The following PARD3B variants were observed in gnomAD, a reference collection of about 807,000 sequenced individuals.
PARD3B encodes the protein par-3 family cell polarity regulator beta, also known as partitioning defective 3 homolog B.
A neutral mutation model predicts 130.2 loss-of-function variants in PARD3B; 103 were observed. That is an observed-to-expected ratio of 0.79 (90% CI 0.67 to 0.93). The LOEUF (loss-of-function observed/expected upper bound fraction) is 0.93, where lower values mean the gene tolerates loss of function less well. Among genes scored for constraint, PARD3B ranks in the 40% least tolerant of loss-of-function variants. The pLI, the probability that PARD3B is intolerant of heterozygous loss-of-function variation, is 0.00. For synonymous variants in PARD3B, 583 were observed against 553.2 expected, an observed-to-expected ratio of 1.05 and a Z score of -0.76; for missense variants, 1,609 against 1,499.2, an observed-to-expected ratio of 1.07 and a Z score of -1.21.
rs555201358 is a variant in PARD3B at position 205,093,621 on chromosome 2, C to G, written c.505-10805C>G. On this transcript the variant is annotated intron_variant, in intron 4 of 22. Coordinates refer to ENST00000406610, the MANE Select transcript of PARD3B (RefSeq NM_001302769.2). ...TTGAGCATCTCCCCTTTGCCAGGCA[C>G]TGTTCTAAGCTTTGGGAATATATTT... Among the ~76,000 whole-genome samples, 4 of 152,260 alleles carry G rather than the reference C, an allele frequency of 2.6e-5. No individual in the cohort carries two copies. The South Asian group carries it at 6.2e-4, about 24-fold the overall frequency.
Position 205,440,580 on chromosome 2 carries a change from G to A in PARD3B, c.2952G>A (p.Arg984=), listed in dbSNP as rs1375819334. The A allele has an allele frequency of 1.2e-6, 2 of 1,613,916 alleles. No individual in the cohort carries two copies. Among genetic ancestry groups the A allele is most frequent in the African/African-American group, 1.3e-5 (1 of 74,968 alleles). The change falls in exon 20 of 23, where the codon CGG becomes CGA. Residue 984 remains arginine, a synonymous_variant. Coordinates refer to ENST00000406610, the MANE Select transcript of PARD3B (RefSeq NM_001302769.2). This position sits in a 1 kb window ranked among gnomAD's most constrained non-coding sequence, Gnocchi z 4.2. ...GAGCTGGACCATTTGGTTACCCTCG[G>A]GATGGCCATCCACTGTCTCCAGAAA... ...PPRAGPFGYP[R]DGHPLSPERD... is the part of the protein sequence containing the mutation.
Position 205,591,593 on chromosome 2 carries a change from C to T in PARD3B, c.3261-23863C>T, listed in dbSNP as rs2054388358. ...CAGACTGTCTTACAGAGGAAACATT[C>T]GTTCATTGGAAACCCAGAACTGTTG... is the stretch of plus-strand genomic sequence containing the variant. On this transcript the variant is annotated intron_variant, in intron 22 of 22. Transcript: ENST00000406610. This position sits in a 1 kb window ranked among gnomAD's most constrained non-coding sequence, Gnocchi z 4.2. Among the ~76,000 whole-genome samples the T allele has an allele frequency of 6.6e-6, 1 of 152,162 alleles. No homozygotes were observed. The highest frequency in any genetic ancestry group is 1.5e-5 in the Non-Finnish European group (1 of 68,036).
At chr2:205,439,979 G>A (rs928539063) in intron 19 of PARD3B, among the ~76,000 whole-genome samples, 3 of 152,130 alleles carry the variant, frequency 2.0e-5, no homozygotes, top group African/African-American at 7.2e-5. Flanking sequence ...AGAGGATTTT[G>A]ATGAGTTTGT....
At chr2:205,170,681 C>T (rs780039379) in intron 11 of PARD3B, among the ~76,000 whole-genome samples, 1 of 152,202 alleles carries the variant, frequency 6.6e-6, no homozygotes, top group Non-Finnish European at 1.5e-5. Context: ...CCATCTGCTA[C>T]TGCATTAGTC....
chr2:204,649,177 G>T lies in PARD3B; in HGVS notation c.121-37004G>T, dbSNP rs1048694130. Among the ~76,000 whole-genome samples the T allele has an allele frequency of 2.7e-5, 4 of 149,638 alleles. No homozygotes were observed. The Admixed American group carries it at 2.7e-4, about 10-fold the overall frequency. ...CCACCAGCAATGTATGGGCATTCTG[G>T]TTGGTCCACATCCTTGCCAACACTT... On this transcript the variant is annotated intron_variant, in intron 1 of 22. Coordinates refer to ENST00000406610, the MANE Select transcript of PARD3B (RefSeq NM_001302769.2).
intron 3 of PARD3B, among the ~76,000 whole-genome samples, chr2:204,979,063 G>A (rs554934132): frequency 7.2e-4 from 109 of 151,964 alleles, no homozygotes; most frequent in Non-Finnish European, 1.2e-3. Flanking sequence ...AAAATTAGCC[G>A]GGCGTGGTGG....
At chr2:205,266,780 C>T (rs2105783842) in intron 16 of PARD3B, among the ~76,000 whole-genome samples, 1 of 152,176 alleles carries the variant, frequency 6.6e-6, no homozygotes, top group Non-Finnish European at 1.5e-5. Flanking sequence ...CTGATTCAAC[C>T]AGGAAAGAAG....
intron 18 of PARD3B, among the ~76,000 whole-genome samples, chr2:205,346,872 G>A (rs999982015): frequency 2.0e-5 from 3 of 152,080 alleles, no homozygotes; most frequent in African/African-American, 4.8e-5. Flanking sequence ...ATGCATATGG[G>A]TGTCTTGTCT....
At chr2:204,817,048 T>C (rs1161249559) in intron 2 of PARD3B, among the ~76,000 whole-genome samples, 1 of 152,156 alleles carries the variant, frequency 6.6e-6, no homozygotes, top group African/African-American at 2.4e-5. Flanking sequence ...CAACACATTG[T>C]AGTTTTTATC....
At chr2:204,596,531 G>T (rs747465489) in intron 1 of PARD3B, among the ~76,000 whole-genome samples, 18 of 152,112 alleles carry the variant, frequency 1.2e-4, no homozygotes, top group Non-Finnish European at 1.3e-4. Context: ...GCTGCCTTTA[G>T]AGGATTGTTT....
At position 205,590,383 on chromosome 2, in the gene PARD3B, C is replaced by G. The variant is rs1003920436; in HGVS notation, c.3261-25073C>G. 2.6e-5 allele frequency among the ~76,000 whole-genome samples: 4 copies of G among 152,288 alleles called. No homozygotes were observed. The highest frequency in any genetic ancestry group is 9.6e-5 in the African/African-American group (4 of 41,562). On this transcript the variant is annotated intron_variant, in intron 22 of 22. Transcript: ENST00000406610. The surrounding 1 kb of genome is among the most constrained non-coding windows in gnomAD (Gnocchi z 4.1). ...TGCCCACAGCATCAGGCTTACTTCC[C>G]CCTCTTCTCAGCTACTCCACAAAAG...
intron 2 of PARD3B, among the ~76,000 whole-genome samples, chr2:204,812,731 A>G (rs2043004753): frequency 6.6e-6 from 1 of 152,186 alleles, no homozygotes; most frequent in Non-Finnish European, 1.5e-5. Flanking sequence ...GCTACAGCCC[A>G]CTTGCCCAAC....
chr2:204,740,115 G>C (rs575934791), intron 2 of PARD3B, among the ~76,000 whole-genome samples: 1 of 151,978 alleles, frequency 6.6e-6, no homozygotes, highest in South Asian at 2.1e-4. Context: ...CCAGGTTCGA[G>C]TGATTCTACT....
At chr2:205,106,930 A>G (rs1238074243) in intron 5 of PARD3B, among the ~76,000 whole-genome samples, 1 of 152,188 alleles carries the variant, frequency 6.6e-6, no homozygotes, top group African/African-American at 2.4e-5. Context: ...TCTAGCCAGT[A>G]TGAGATGAAA....
At chr2:204,803,634 G>A (rs993898681) in intron 2 of PARD3B, among the ~76,000 whole-genome samples, 3 of 152,054 alleles carry the variant, frequency 2.0e-5, no homozygotes, top group Non-Finnish European at 2.9e-5. Flanking sequence ...CAGTGTTGTC[G>A]TCAGTTTAAA....
At chr2:205,101,197 A>T (rs569065012) in intron 4 of PARD3B, among the ~76,000 whole-genome samples, 12 of 152,326 alleles carry the variant, frequency 7.9e-5, no homozygotes, top group Admixed American at 5.2e-4. Flanking sequence ...CAATAATCAC[A>T]GGGAAAGAAG....
chr2:204,571,512 G>A (rs999818895), intron 1 of PARD3B, among the ~76,000 whole-genome samples: 7 of 152,250 alleles, frequency 4.6e-5, no homozygotes, highest in African/African-American at 7.2e-5. Flanking sequence ...CAATTTCTGA[G>A]CTCTAAGTTT....
intron 3 of PARD3B, among the ~76,000 whole-genome samples, chr2:205,023,744 C>T (rs1436088210): frequency 6.6e-6 from 1 of 151,918 alleles, no homozygotes; most frequent in East Asian, 1.9e-4. Context: ...GAGTTTTAGG[C>T]TTTTCTCTTT....
At chr2:205,002,618 G>A (rs771774518) in intron 3 of PARD3B, among the ~76,000 whole-genome samples, 1 of 151,926 alleles carries the variant, frequency 6.6e-6, no homozygotes, top group Non-Finnish European at 1.5e-5. Context: ...CCATCCTCTC[G>A]CGCTCTGATG....
Sources: allele counts gnomAD v4.1 joint callset (sites outside exome capture counted in the v4.1 genomes callset), GRCh38; gene constraint gnomAD v4.1.1; non-coding constraint Gnocchi (gnomAD v3.1); transcripts MANE v1.5; gene names NCBI Gene and HGNC (gene_info 2026-07-23, HGNC 2026-07-21).